PLD5: variants seen among roughly 807,000 people sequenced by gnomAD.
The protein encoded by PLD5 is phospholipase D family member 5, also known as inactive phospholipase D5.
A neutral mutation model predicts 61.1 loss-of-function variants in PLD5; 36 were observed. The ratio of observed to expected loss-of-function variants is 0.59; its 90% CI spans 0.45 to 0.78. The LOEUF is 0.78. Ranked by LOEUF, PLD5 falls within the 30% of genes least tolerant of loss-of-function variation. The pLI, the probability that PLD5 is intolerant of heterozygous loss-of-function variation, is 0.00. For missense variants in PLD5, 515 were observed against 644.4 expected (o/e 0.80, Z 2.17); for synonymous variants, 243 against 242.8 (o/e 1.00, Z -0.01).
rs1424055511 is a variant in PLD5 at position 242,266,600 on chromosome 1, TGATTTTTTA to T, written c.496-1161_496-1153del. 4.6e-5 allele frequency among the ~76,000 whole-genome samples: 7 copies of T among 152,336 alleles called. 1 individual carries two copies. In the East Asian group the frequency reaches 1.4e-3, roughly 29 times the overall value. Reference sequence around the variant, plus strand: ...TAAAAGGAAAATGGTCTTCTTGTATTGATTTTTTAGATTTTTTGCTGTTGGTTCACAAAC... The same window carrying T: ...TAAAAGGAAAATGGTCTTCTTGTATTGATTTTTTGCTGTTGGTTCACAAAC... On this transcript the variant is annotated intron_variant, in intron 3 of 9. Coordinates refer to ENST00000536534, the MANE Select transcript of PLD5 (RefSeq NM_001372062.1).
At chr1:242,247,598 G>A (rs766037179) in intron 4 of PLD5, among the ~76,000 whole-genome samples, 42 of 152,132 alleles carry the variant, frequency 2.8e-4, no homozygotes, top group Admixed American at 1.2e-3. Flanking sequence ...CTGGTCACTT[G>A]TGCCTAACTT....
chr1:242,206,705 A>C (rs1470277487), intron 5 of PLD5, among the ~76,000 whole-genome samples: 1 of 152,220 alleles, frequency 6.6e-6, no homozygotes, highest in East Asian at 1.9e-4. Context: ...GGATCATCAT[A>C]AAGATCTTCA....
At chr1:242,150,021 G>C (rs1664818353) in intron 5 of PLD5, among the ~76,000 whole-genome samples, 1 of 151,554 alleles carries the variant, frequency 6.6e-6, no homozygotes, top group Non-Finnish European at 1.5e-5. Flanking sequence ...CAAAATTTTT[G>C]ATATGCTCTA....
intron 2 of PLD5, among the ~76,000 whole-genome samples, chr1:242,335,738 A>C (rs1659463224): frequency 6.6e-6 from 1 of 152,240 alleles, no homozygotes; most frequent in Non-Finnish European, 1.5e-5. Flanking sequence ...AAGAGCTCAC[A>C]GTGAAAGCTC....
At position 242,234,271 on chromosome 1, in the gene PLD5, C is replaced by T. The variant is rs187184057; in HGVS notation, c.608-14156G>A. 4.2e-3 allele frequency among the ~76,000 whole-genome samples: 642 copies of T among 152,156 alleles called. 2 individuals carry two copies. The highest frequency in any genetic ancestry group is 7.4e-3 in the Non-Finnish European group (504 of 67,990). On this transcript the variant is annotated intron_variant, in intron 4 of 9. Coordinates refer to ENST00000536534, the MANE Select transcript of PLD5 (RefSeq NM_001372062.1). The stretch of plus-strand genomic sequence containing the variant: ...TCTCTGAAGGCTCTGAAGAAAAATC[C>T]AGCCAACCGTGCATTGAATGCCTCT...
At chr1:242,425,415 C>A (rs1290792169) in intron 1 of PLD5, among the ~76,000 whole-genome samples, 1 of 152,018 alleles carries the variant, frequency 6.6e-6, no homozygotes, top group South Asian at 2.1e-4. Flanking sequence ...ACAGCATAAA[C>A]AATTAAAATG....
At chr1:242,465,100 CA>C (rs1177349334) in intron 1 of PLD5, among the ~76,000 whole-genome samples, 1 of 152,136 alleles carries the variant, frequency 6.6e-6, no homozygotes, top group African/African-American at 2.4e-5. Context: ...GCGAACATAC[CA>C]AATGCCACTG....
chr1:242,130,843 G>A (rs1663180638), intron 5 of PLD5, among the ~76,000 whole-genome samples: 1 of 152,054 alleles, frequency 6.6e-6, no homozygotes, highest in Admixed American at 6.6e-5. Context: ...TCCTGAAAAA[G>A]CTGGATATTT....
intron 1 of PLD5, among the ~76,000 whole-genome samples, chr1:242,448,022 AT>A (rs1205450373): frequency 2.0e-5 from 3 of 152,280 alleles, no homozygotes; most frequent in Admixed American, 6.5e-5. Context: ...CTCATGCTAG[AT>A]ATGTGCATTA....
intron 5 of PLD5, among the ~76,000 whole-genome samples, chr1:242,140,911 T>C (rs1664113661): frequency 6.6e-6 from 1 of 152,186 alleles, no homozygotes; most frequent in Non-Finnish European, 1.5e-5. Flanking sequence ...GGTGATGGCA[T>C]CTTTTCCTGT....
rs533620506 is a variant in PLD5 at position 242,269,383 on chromosome 1, T to G, written c.496-3935A>C. 1.8e-4 allele frequency among the ~76,000 whole-genome samples: 28 copies of G among 151,594 alleles called. No homozygotes were observed. In the East Asian group the frequency reaches 5.2e-3, roughly 28 times the overall value. On this transcript the variant is annotated intron_variant, in intron 3 of 9. Coordinates refer to ENST00000536534, the MANE Select transcript of PLD5 (RefSeq NM_001372062.1). ...TATGCAGGAAGCTGTACCCCCAAAA[T>G]AGAGATCCAGCTCAGCCCCTTTGTG...
At chr1:242,330,652 A>G (rs1203990976) in intron 2 of PLD5, among the ~76,000 whole-genome samples, 1 of 152,192 alleles carries the variant, frequency 6.6e-6, no homozygotes, top group African/African-American at 2.4e-5. Flanking sequence ...CCTTTATTAA[A>G]TATTGACAGA....
rs191866430 is a variant in PLD5, at chr1:242,447,701, C to T, written c.189+76387G>A. Among the ~76,000 whole-genome samples, 19 of 152,314 alleles carry T rather than the reference C, an allele frequency of 1.2e-4. No individual in the cohort carries two copies. In the East Asian group the frequency reaches 1.7e-3, roughly 14 times the overall value. On this transcript the variant is annotated intron_variant, in intron 1 of 9. Transcript: ENST00000536534. ...GCTTGCAGTCACTCTTAGTTCCCAT[C>T]GCACCCTTCCACAACTCCAAAGGAA...
At chr1:242,209,555 TTA>T (rs1251630707) in intron 5 of PLD5, among the ~76,000 whole-genome samples, 2 of 152,192 alleles carry the variant, frequency 1.3e-5, no homozygotes, top group African/African-American at 2.4e-5. Context: ...CTGTGATCAG[TTA>T]TCTTTGATGT....
intron 1 of PLD5, among the ~76,000 whole-genome samples, chr1:242,360,914 C>A (rs1661030097): frequency 2.6e-5 from 4 of 151,970 alleles, no homozygotes; most frequent in Admixed American, 2.0e-4. Flanking sequence ...TTAATCTAGT[C>A]CAGAAGATAC....
chr1:242,135,180 T>C (rs1007985633), intron 5 of PLD5, among the ~76,000 whole-genome samples: 10 of 152,202 alleles, frequency 6.6e-5, no homozygotes, highest in African/African-American at 2.4e-4. Context: ...TGTATATATA[T>C]GCATACGTAC....
intron 1 of PLD5, among the ~76,000 whole-genome samples, chr1:242,450,738 A>G (rs1296929225): frequency 1.3e-5 from 2 of 152,186 alleles, no homozygotes; most frequent in Non-Finnish European, 2.9e-5. Flanking sequence ...GAATCAACAG[A>G]GTCCCAGAAA....
chr1:242,092,952 G>A (rs1487205308), intron 9 of PLD5, among the ~76,000 whole-genome samples: 1 of 152,138 alleles, frequency 6.6e-6, no homozygotes, highest in Admixed American at 6.5e-5. Context: ...TCAGCAGAGA[G>A]AGGGACCTGC....
rs527456263 is a variant in PLD5 at position 242,252,264 on chromosome 1, A to G, written c.607+13073T>C. On this transcript the variant is annotated intron_variant, in intron 4 of 9. Coordinates refer to ENST00000536534, the MANE Select transcript of PLD5 (RefSeq NM_001372062.1). ...GAACAGAAATAGAGCTTGGCATCTT[A>G]ACTCACACCAGTTCTCGTGACATTG... Among the ~76,000 whole-genome samples, 44 of 152,380 alleles carry G rather than the reference A, an allele frequency of 2.9e-4. 1 individual carries two copies. In the South Asian group the frequency reaches 8.5e-3, roughly 29 times the overall value.
Sources: gnomAD v4.1 joint callset for allele counts (sites outside exome capture counted in the v4.1 genomes callset) on GRCh38, gnomAD v4.1.1 for gene constraint, MANE v1.5 for transcripts, NCBI Gene and HGNC (gene_info 2026-07-23, HGNC 2026-07-21) for gene names.